Variants in TENM2 observed in about 807,000 individuals in gnomAD.
The protein encoded by TENM2 is teneurin-2.
In TENM2, 52 loss-of-function variants were observed where a neutral mutation model predicts 245.2. The observed-to-expected ratio is 0.21, with a 90% CI of 0.17 to 0.27. TENM2 has a LOEUF of 0.27. Among genes scored for constraint, TENM2 ranks in the 10% least tolerant of loss-of-function variants. The pLI is 1.00. For synonymous variants in TENM2, 1,363 were observed against 1,438.9 expected, an observed-to-expected ratio of 0.95 and a Z score of 1.19; for missense variants, 3,046 against 3,666.8, an observed-to-expected ratio of 0.83 and a Z score of 4.37.
chr5:167,061,511 T>A, the TENM2 span, among the ~76,000 whole-genome samples: 1 of 152,326 alleles, frequency 6.6e-6, no homozygotes, highest in African/African-American at 2.4e-5. Context: ...CAAGGGTTGA[T>A]GAAACATTAC....
the TENM2 span, among the ~76,000 whole-genome samples, chr5:167,054,059 A>G: frequency 6.6e-6 from 1 of 152,150 alleles, no homozygotes; most frequent in African/African-American, 2.4e-5. Flanking sequence ...TCCAAAGTCC[A>G]TAGTTTACAT....
chr5:167,364,856 GAAAA>G (rs753695015), intron 1 of TENM2, among the ~76,000 whole-genome samples: 5 of 149,490 alleles, frequency 3.3e-5, no homozygotes, highest in African/African-American at 1.2e-4. Flanking sequence ...GGAGGAAAGA[GAAAA>G]AAAAACTACA....
chr5:167,106,820 A>G, the TENM2 span, among the ~76,000 whole-genome samples: 1 of 152,184 alleles, frequency 6.6e-6, no homozygotes, highest in Non-Finnish European at 1.5e-5. Flanking sequence ...TCTCAGTTAC[A>G]ATCAGGAACT....
chr5:168,227,833 C>T (rs1764362793), intron 24 of TENM2, 62 bp from the exon 27 acceptor site: 4 of 1,140,136 alleles, frequency 3.5e-6, no homozygotes, highest in African/African-American at 1.6e-5. Flanking sequence ...GTTCTATTCT[C>T]TTCTGACTAA....
At chr5:167,275,998 C>T in the TENM2 span, among the ~76,000 whole-genome samples, 97,459 of 151,760 alleles carry the variant, frequency 0.64, 33,294 homozygotes, top group Middle Eastern at 0.85. Flanking sequence ...GAATTACATT[C>T]ATTGCCTTTA....
At chr5:167,762,717 G>A (rs1480757659) in intron 2 of TENM2, among the ~76,000 whole-genome samples, 1 of 152,192 alleles carries the variant, frequency 6.6e-6, no homozygotes, top group Non-Finnish European at 1.5e-5. Context: ...GCATCAGCAT[G>A]CAGGGTGTTT....
intron 1 of TENM2, among the ~76,000 whole-genome samples, chr5:167,339,028 T>C (rs1311031791): frequency 6.6e-6 from 1 of 152,194 alleles, no homozygotes; most frequent in African/African-American, 2.4e-5. Context: ...ATTCCATCCA[T>C]AGCATTCCAC....
At chr5:168,151,994 T>C (rs1756693925) in intron 12 of TENM2, among the ~76,000 whole-genome samples, 1 of 152,182 alleles carries the variant, frequency 6.6e-6, no homozygotes, top group African/African-American at 2.4e-5. Flanking sequence ...GTCACCCCAG[T>C]TGAGAACAGG....
At chr5:167,732,428 G>A (rs569178891) in intron 2 of TENM2, among the ~76,000 whole-genome samples, 28 of 152,276 alleles carry the variant, frequency 1.8e-4, no homozygotes, top group East Asian at 9.6e-4. Context: ...TCAATGTGAT[G>A]AGATTTAAGA....
chr5:167,766,728 A>T (rs1257420648), intron 2 of TENM2, among the ~76,000 whole-genome samples: 1 of 151,876 alleles, frequency 6.6e-6, no homozygotes, highest in African/African-American at 2.4e-5. Context: ...AATACAAAAA[A>T]ATTAACTGGG....
chr5:167,627,575 T>TG (rs397708977), intron 2 of TENM2, among the ~76,000 whole-genome samples: 1 of 151,500 alleles, frequency 6.6e-6, no homozygotes, highest in Non-Finnish European at 1.5e-5. Context: ...TTTTTTTTTT[T>TG]GAAACGGGGT....
the TENM2 span, among the ~76,000 whole-genome samples, chr5:167,089,729 A>C: frequency 6.6e-6 from 1 of 152,202 alleles, no homozygotes; most frequent in African/African-American, 2.4e-5. Context: ...AATTAAAGAC[A>C]GAAGAGAATG....
At chr5:167,348,320 ATT>A in intron 1 of TENM2, among the ~76,000 whole-genome samples, 1 of 152,332 alleles carries the variant, frequency 6.6e-6, no homozygotes, top group East Asian at 1.9e-4. Context: ...AGTAGTAATC[ATT>A]CACTTAAGCA....
intron 7 of TENM2, among the ~76,000 whole-genome samples, chr5:168,087,790 C>G (rs1455920911): frequency 1.3e-5 from 2 of 151,910 alleles, no homozygotes; most frequent in African/African-American, 4.8e-5. Flanking sequence ...TAAATTATAT[C>G]ATTTTAGGGG....
chr5:167,280,756 G>GTCCA (rs1554128422), upstream of TENM2, among the ~76,000 whole-genome samples: 14 of 145,982 alleles, frequency 9.6e-5, no homozygotes, highest in African/African-American at 3.6e-4. Context: ...CTATCTGTCT[G>GTCCA]TCTATCTATC....
chr5:167,043,081 T>C, the TENM2 span, among the ~76,000 whole-genome samples: 1 of 152,196 alleles, frequency 6.6e-6, no homozygotes, highest in East Asian at 1.9e-4. Flanking sequence ...CTAAATTGCT[T>C]CTATGTCATT....
chr5:167,248,718 A>G, the TENM2 span, among the ~76,000 whole-genome samples: 3 of 152,158 alleles, frequency 2.0e-5, no homozygotes, highest in Non-Finnish European at 2.9e-5. Flanking sequence ...GTGATCAAAT[A>G]CATGAAAGAA....
At chr5:167,046,055 C>T in the TENM2 span, among the ~76,000 whole-genome samples, 1 of 152,120 alleles carries the variant, frequency 6.6e-6, no homozygotes, top group Non-Finnish European at 1.5e-5. Context: ...GTCAAGATTC[C>T]TGAAAACATA....
chr5:167,143,006 A>G, the TENM2 span, among the ~76,000 whole-genome samples: 1 of 152,224 alleles, frequency 6.6e-6, no homozygotes, highest in African/African-American at 2.4e-5. Context: ...GTGATATAAA[A>G]TGTAAGCTTT....
Sources: allele counts gnomAD v4.1 joint callset (sites outside exome capture counted in the v4.1 genomes callset), GRCh38; gene constraint gnomAD v4.1.1; transcripts MANE v1.5; gene names NCBI Gene and HGNC (gene_info 2026-07-23, HGNC 2026-07-21).